The following PTPRN2 variants were observed in gnomAD, a reference collection of about 807,000 sequenced individuals.
The protein encoded by PTPRN2 is receptor-type tyrosine-protein phosphatase N2.
Under a neutral mutation model 118.8 loss-of-function variants are expected in PTPRN2, and 74 were observed. The observed-to-expected ratio is 0.62, with a 90% CI of 0.52 to 0.76. PTPRN2 has a LOEUF of 0.76. PTPRN2 is among the 30% of genes least tolerant of loss of function. The probability of loss-of-function intolerance (pLI) is 0.00; values close to 1 mark genes in which losing one functional copy is unlikely to be tolerated. For missense variants in PTPRN2, 1,481 were observed against 1,394.4 expected (o/e 1.06, Z -0.99); for synonymous variants, 641 against 608.0 (o/e 1.05, Z -0.80).
chr7:157,621,395 C>A lies in PTPRN2; in HGVS notation c.2311G>T (p.Val771Leu). Residue 771 changes from valine (V) to leucine (L), a missense_variant, in exon 15 of 23, where the codon GTG becomes TTG. Physicochemically the swap from Val to Leu is conservative, Grantham distance 32 (BLOSUM62 1). This residue lies in a region of PTPRN2 where 362 missense variants were observed against 384.1 expected (regional missense o/e 0.94). Coordinates refer to ENST00000389418, the MANE Select transcript of PTPRN2 (RefSeq NM_002847.5). Reference protein sequence around the residue: ...SSFVAQREENVPKNRSLAVLT... With the variant: ...SSFVAQREENLPKNRSLAVLT... ...ACGGCCAGGGAGCGGTTCTTGGGCA[C>A]GTTCTCCTCCCTCTGGGCCACGAAC... is the stretch of plus-strand genomic sequence containing the variant. 1 of 1,614,010 alleles carries A rather than the reference C, an allele frequency of 6.2e-7. No individual in the cohort carries two copies. The highest frequency in any genetic ancestry group is 1.1e-5 in the South Asian group (1 of 91,088).
chr7:158,255,813 C>T (rs1796987561), intron 3 of PTPRN2, among the ~76,000 whole-genome samples: 1 of 151,402 alleles, frequency 6.6e-6, no homozygotes, highest in African/African-American at 2.4e-5. Context: ...AATGGGCCCT[C>T]CTGTCCCTGG....
intron 4 of PTPRN2, 86 bp downstream of exon 4, chr7:158,205,085 A>T: frequency 8.5e-7 from 1 of 1,182,504 alleles, no homozygotes; most frequent in Non-Finnish European, 1.2e-6. Flanking sequence ...TTGCTACATT[A>T]AAACAAACAA....
intron 10 of PTPRN2, among the ~76,000 whole-genome samples, chr7:158,096,001 A>G (rs1383941436): frequency 6.6e-6 from 1 of 152,210 alleles, no homozygotes; most frequent in African/African-American, 2.4e-5. Flanking sequence ...AATGCTTCAC[A>G]CTTGAAGTGC....
chr7:158,378,367 A>T (rs1810711231), intron 2 of PTPRN2, among the ~76,000 whole-genome samples: 2 of 152,100 alleles, frequency 1.3e-5, no homozygotes, highest in Admixed American at 1.3e-4. Flanking sequence ...TTGGTGCAGG[A>T]GGGCCCTGGA....
chr7:158,117,737 G>C (rs1231627755), intron 9 of PTPRN2, among the ~76,000 whole-genome samples: 1 of 151,590 alleles, frequency 6.6e-6, no homozygotes, highest in Non-Finnish European at 1.5e-5. Context: ...AAACTTTGCA[G>C]AACAGAAAGC....
chr7:158,274,336 GAC>G (rs1798793085), intron 3 of PTPRN2, among the ~76,000 whole-genome samples: 1 of 7,000 alleles, frequency 1.4e-4, no homozygotes, highest in African/African-American at 2.7e-4. Context: ...GGGAGCCGCA[GAC>G]GCGGGAGAGC....
intron 1 of PTPRN2, among the ~76,000 whole-genome samples, chr7:158,573,259 G>A (rs1334569846): frequency 1.3e-5 from 2 of 152,158 alleles, no homozygotes; most frequent in African/African-American, 4.8e-5. Flanking sequence ...AATGGAGGGG[G>A]GATGGGAAAG....
chr7:157,789,773 G>A (rs969370287), intron 12 of PTPRN2, among the ~76,000 whole-genome samples: 41 of 150,378 alleles, frequency 2.7e-4, no homozygotes, highest in African/African-American at 9.3e-4. Flanking sequence ...TGTGTGGTGT[G>A]TGTGTATATG....
chr7:157,994,556 A>ATG (rs375512738), intron 11 of PTPRN2, among the ~76,000 whole-genome samples: 11 of 112,920 alleles, frequency 9.7e-5, no homozygotes, highest in Admixed American at 5.2e-4. Context: ...TAAAATCAGC[A>ATG]CCGCGTCCCC....
At chr7:157,711,937 G>A (rs369244350) in intron 12 of PTPRN2, among the ~76,000 whole-genome samples, 1 of 65,526 alleles carries the variant, frequency 1.5e-5, no homozygotes, top group Non-Finnish European at 3.5e-5. Context: ...CCACATGAGT[G>A]GGGGGAGGGG....
chr7:158,048,697 AACC>A (rs978760431), intron 11 of PTPRN2, among the ~76,000 whole-genome samples: 1 of 14,180 alleles, frequency 7.1e-5, no homozygotes, highest in Middle Eastern at 0.011. Flanking sequence ...ATCACATCAC[AACC>A]ACCATCACCA....
chr7:157,682,770 C>CGA lies in PTPRN2; in HGVS notation c.1954_1955dup (p.Gly653ArgfsTer3). The CGA allele has an allele frequency of 6.2e-7, 1 of 1,614,058 alleles. No individual in the cohort carries two copies. The highest frequency in any genetic ancestry group is 8.5e-7 in the Non-Finnish European group (1 of 1,180,044). On this transcript the variant is annotated frameshift_variant, in exon 13 of 23. Coordinates refer to ENST00000389418, the MANE Select transcript of PTPRN2 (RefSeq NM_002847.5). LOFTEE classifies it high-confidence loss of function. ...CTGCACCTGGGTCGCCCCCTAGTCC[C>CGA]GAGAGCTTCTCCTTCAGCCTGTGCT...
At chr7:158,327,443 GCA>G (rs1363464286) in intron 2 of PTPRN2, among the ~76,000 whole-genome samples, 1 of 150,554 alleles carries the variant, frequency 6.6e-6, no homozygotes, top group African/African-American at 2.4e-5. Flanking sequence ...ATTCTCACAT[GCA>G]CACACCTGCT....
At chr7:157,594,194 A>G (rs893605130) in intron 17 of PTPRN2, among the ~76,000 whole-genome samples, 1 of 152,218 alleles carries the variant, frequency 6.6e-6, no homozygotes, top group Non-Finnish European at 1.5e-5. Context: ...GACTGTTCTC[A>G]AGGGCAGAGA....
intron 3 of PTPRN2, among the ~76,000 whole-genome samples, chr7:158,269,127 C>T (rs1003402469): frequency 1.3e-5 from 2 of 152,184 alleles, no homozygotes; most frequent in Non-Finnish European, 2.9e-5. Flanking sequence ...ACTGTTGCCT[C>T]CGGTCACCCC....
At chr7:158,541,677 C>CT in intron 1 of PTPRN2, 1 of 1,307,154 alleles carries the variant, frequency 7.7e-7, no homozygotes, top group Non-Finnish European at 1.0e-6. Flanking sequence ...GTTAGTTAAT[C>CT]TGTTGAAGAC....
chr7:158,173,658 G>A (rs1823917408), intron 5 of PTPRN2, among the ~76,000 whole-genome samples: 1 of 152,152 alleles, frequency 6.6e-6, no homozygotes, highest in African/African-American at 2.4e-5. Flanking sequence ...TAAGCCTGAG[G>A]GCACTGCAGG....
At chr7:157,960,702 C>T (rs1419463768) in intron 11 of PTPRN2, among the ~76,000 whole-genome samples, 1 of 151,950 alleles carries the variant, frequency 6.6e-6, no homozygotes, top group Non-Finnish European at 1.5e-5. Flanking sequence ...AAATGAAAAA[C>T]AAAAACAAAA....
chr7:157,917,469 T>G (rs908072477), intron 11 of PTPRN2, among the ~76,000 whole-genome samples: 1 of 152,342 alleles, frequency 6.6e-6, no homozygotes, highest in Admixed American at 6.5e-5. Context: ...CTGTGGATTC[T>G]GCCGGGGGGC....
Sources: gnomAD v4.1 joint callset for allele counts (sites outside exome capture counted in the v4.1 genomes callset) on GRCh38, gnomAD v4.1.1 for gene constraint, gnomAD v4.1.1 regional missense constraint, MANE v1.5 for transcripts, NCBI Gene and HGNC (gene_info 2026-07-23, HGNC 2026-07-21) for gene names.